Variants in CD38 observed in about 807,000 individuals in gnomAD.
CD38 encodes ADP-ribosyl cyclase/cyclic ADP-ribose hydrolase 1.
Under a neutral mutation model 36.3 loss-of-function variants are expected in CD38, and 31 were observed. That is an observed-to-expected ratio of 0.85 (90% CI 0.64 to 1.15). CD38 has a LOEUF of 1.15. Ranked by LOEUF, CD38 falls within the 50% of genes most tolerant of loss-of-function variation. CD38 has a pLI of 0.00. For missense variants in CD38, 380 were observed against 371.9 expected (o/e 1.02, Z -0.18); for synonymous variants, 131 against 135.2 (o/e 0.97, Z 0.22).
intron 3 of CD38, among the ~76,000 whole-genome samples, chr4:15,829,330 C>T (rs1350920762): frequency 6.6e-6 from 1 of 152,040 alleles, no homozygotes. Flanking sequence ...TGAAAAATGT[C>T]TCTTTCCCCA....
At chr4:15,839,132 T>C (rs1340018503) in intron 5 of CD38, among the ~76,000 whole-genome samples, 2 of 152,216 alleles carry the variant, frequency 1.3e-5, no homozygotes, top group East Asian at 3.9e-4. Context: ...TAATATTTAA[T>C]TCTACAAGGA....
chr4:15,785,796 C>T (rs1037686140), intron 1 of CD38, among the ~76,000 whole-genome samples: 1 of 152,198 alleles, frequency 6.6e-6, no homozygotes, highest in South Asian at 2.1e-4. Flanking sequence ...GGTTCTTGGT[C>T]TCACTAACTT....
At chr4:15,824,356 A>G (rs1369925330) in intron 2 of CD38, among the ~76,000 whole-genome samples, 1 of 152,108 alleles carries the variant, frequency 6.6e-6, no homozygotes, top group Non-Finnish European at 1.5e-5. Flanking sequence ...GATTCATAAA[A>G]CAGAATATAA....
At chr4:15,799,956 C>T (rs1196275106) in intron 1 of CD38, among the ~76,000 whole-genome samples, 2 of 152,074 alleles carry the variant, frequency 1.3e-5, no homozygotes, top group African/African-American at 2.4e-5. Flanking sequence ...AAACAGTGGG[C>T]GTTAATAAAC....
intron 3 of CD38, among the ~76,000 whole-genome samples, chr4:15,828,055 C>T (rs1723886325): frequency 6.6e-6 from 1 of 152,182 alleles, no homozygotes; most frequent in African/African-American, 2.4e-5. Flanking sequence ...CACTCTGTCA[C>T]CCAGGCTGAG....
chr4:15,786,277 A>G (rs1446365129), intron 1 of CD38, among the ~76,000 whole-genome samples: 1 of 152,074 alleles, frequency 6.6e-6, no homozygotes, highest in East Asian at 1.9e-4. Context: ...CATCCTGCTG[A>G]TTGGTTCATT....
chr4:15,827,398 ATCT>A (rs1440537014), intron 3 of CD38, among the ~76,000 whole-genome samples: 1 of 152,026 alleles, frequency 6.6e-6, no homozygotes, highest in African/African-American at 2.4e-5. Context: ...CCTTAAAAAG[ATCT>A]TCTTAGAGAA....
chr4:15,820,708 A>G (rs1256313433), intron 2 of CD38, among the ~76,000 whole-genome samples: 1 of 152,204 alleles, frequency 6.6e-6, no homozygotes, highest in Non-Finnish European at 1.5e-5. Context: ...AGAGACCTTC[A>G]AAGAGATTTA....
chr4:15,838,709 T>C (rs1724130495), intron 5 of CD38, among the ~76,000 whole-genome samples: 1 of 152,158 alleles, frequency 6.6e-6, no homozygotes, highest in African/African-American at 2.4e-5. Context: ...ACTGTAGTGG[T>C]TGAAAGCAGG....
At chr4:15,791,357 G>GGA (rs1722983240) in intron 1 of CD38, among the ~76,000 whole-genome samples, 1 of 51,340 alleles carries the variant, frequency 1.9e-5, no homozygotes, top group Non-Finnish European at 3.4e-5. Context: ...GGTGGTGGGG[G>GGA]TCAGCCCCCC....
intron 2 of CD38, among the ~76,000 whole-genome samples, chr4:15,818,631 C>A (rs1279562264): frequency 1.3e-5 from 2 of 152,176 alleles, no homozygotes; most frequent in Non-Finnish European, 2.9e-5. Flanking sequence ...CGGTGCCCCT[C>A]TGGAATGAAG....
At chr4:15,799,825 A>T (rs376460651) in intron 1 of CD38, among the ~76,000 whole-genome samples, 4 of 152,296 alleles carry the variant, frequency 2.6e-5, no homozygotes, top group African/African-American at 9.6e-5. Flanking sequence ...TCTTCTAACT[A>T]CAAGTAGCCA....
chr4:15,830,871 G>A (rs1282703415), intron 3 of CD38, among the ~76,000 whole-genome samples: 2 of 152,042 alleles, frequency 1.3e-5, no homozygotes, highest in East Asian at 1.9e-4. Context: ...TACATTTGAC[G>A]TAAATGTTAT....
intron 2 of CD38, among the ~76,000 whole-genome samples, chr4:15,818,347 C>T (rs528200755): frequency 3.9e-5 from 6 of 152,172 alleles, no homozygotes; most frequent in Non-Finnish European, 7.3e-5. Context: ...CAGGGGCTTA[C>T]AGACAAAACC....
intron 2 of CD38, among the ~76,000 whole-genome samples, chr4:15,823,922 G>T (rs557583205): frequency 6.6e-6 from 1 of 152,134 alleles, no homozygotes; most frequent in African/African-American, 2.4e-5. Flanking sequence ...TCAGTGATAG[G>T]CTGGATAAAG....
At chr4:15,816,791 T>C (rs534670102) in intron 2 of CD38, 151 bp downstream of exon 2, 7 of 782,274 alleles carry the variant, frequency 8.9e-6, no homozygotes, top group African/African-American at 6.9e-5. Flanking sequence ...TTGCAGGCCA[T>C]TGAGGGGCCA....
At chr4:15,783,244 G>C (rs1469778743) in intron 1 of CD38, among the ~76,000 whole-genome samples, 1 of 152,196 alleles carries the variant, frequency 6.6e-6, no homozygotes, top group Non-Finnish European at 1.5e-5. Flanking sequence ...GACGGACCCA[G>C]GTGATGTCAG....
rs922034255 is a variant in CD38, at chr4:15,851,325, T to C, written c.*2723T>C. The C allele has an allele frequency of 2.0e-5, 3 of 152,178 alleles. No individual in the cohort carries two copies. Among genetic ancestry groups the C allele is most frequent in the African/African-American group, 7.2e-5 (3 of 41,424 alleles). The allele number at this position is 152,178 out of a possible 1,614,324, so 9.4% of individuals were successfully genotyped here. On this transcript the variant is annotated 3_prime_UTR_variant, in exon 8 of 8. Transcript: ENST00000226279. ...CAATATATATTACTTTTCCTATAAGTGACTTCTCTACTGGATTACTGGTTG... is the reference window on the plus strand; with the variant it reads ...CAATATATATTACTTTTCCTATAAGCGACTTCTCTACTGGATTACTGGTTG...
At chr4:15,823,912 T>C (rs942220204) in intron 2 of CD38, among the ~76,000 whole-genome samples, 3 of 152,152 alleles carry the variant, frequency 2.0e-5, no homozygotes, top group Non-Finnish European at 2.9e-5. Flanking sequence ...CAAATGCCCA[T>C]CAGTGATAGG....
Sources: gnomAD v4.1 joint callset for allele counts (sites outside exome capture counted in the v4.1 genomes callset) on GRCh38, gnomAD v4.1.1 for gene constraint, MANE v1.5 for transcripts, NCBI Gene and HGNC (gene_info 2026-07-23, HGNC 2026-07-21) for gene names.